HTR1B: variants seen among roughly 807,000 people sequenced by gnomAD.
The protein encoded by HTR1B is 5-hydroxytryptamine (serotonin) receptor 1B, G protein-coupled.
HTR1B carries 12 observed loss-of-function variants against 25.3 expected under a neutral mutation model. The observed-to-expected ratio is 0.47, with a 90% CI of 0.30 to 0.77. HTR1B has a LOEUF of 0.77. Among genes scored for constraint, HTR1B ranks in the 30% least tolerant of loss-of-function variants. The pLI is 0.06. For synonymous variants in HTR1B, 224 were observed against 219.1 expected, an observed-to-expected ratio of 1.02 and a Z score of -0.20; for missense variants, 453 against 503.0, an observed-to-expected ratio of 0.90 and a Z score of 0.95.
rs947294068 is a variant in HTR1B, at chr6:77,462,058, T to A, written c.*173A>T. ...CTACATTTAGTTTCAACACTTCTCC[T>A]TTCAGAGCTCTCTCTCAGGACTATT... On this transcript the variant is annotated 3_prime_UTR_variant, in exon 1 of 1. Transcript: ENST00000369947. This position sits in a 1 kb window ranked among gnomAD's most constrained non-coding sequence, Gnocchi z 4.9. 1 of 597,950 alleles carries A rather than the reference T, an allele frequency of 1.7e-6. No individual in the cohort carries two copies. Among genetic ancestry groups the A allele is most frequent in the Non-Finnish European group, 3.0e-6 (1 of 337,666 alleles). The allele number at this position is 597,950 out of a possible 1,614,324, so 37.0% of individuals were successfully genotyped here.
At position 77,462,818 on chromosome 6, in the gene HTR1B, C is replaced by A. The variant is rs1164524027; in HGVS notation, c.586G>T (p.Val196Leu). Reference protein sequence around the residue: ...FWRQAKAEEEVSECVVNTDHI... With the variant: ...FWRQAKAEEELSECVVNTDHI... ...TCGGTGTTCACCACGCATTCCGACA[C>A]CTCCTCTTCGGCCTTAGCCTGACGC... The change falls in exon 1 of 1, where the codon GTG becomes TTG. Residue 196 changes from valine (V) to leucine (L), a missense_variant. By Grantham distance (32) the Val-to-Leu change is conservative. Around this residue, in one of 3 missense-constraint regions of HTR1B, gnomAD observed 289 missense variants for 319.6 expected, o/e 0.90. Transcript: ENST00000369947. The surrounding 1 kb of genome is among the most constrained non-coding windows in gnomAD (Gnocchi z 4.9). The A allele has an allele frequency of 2.5e-6, 4 of 1,614,014 alleles. No individual in the cohort carries two copies. Among genetic ancestry groups the A allele is most frequent in the Non-Finnish European group, 2.5e-6 (3 of 1,180,030 alleles).
rs1766158401 is a variant in HTR1B, at chr6:77,462,732, G to A, written c.672C>T (p.Leu224=). The part of the protein sequence containing the change: ...VGAFYFPTLL[L]IALYGRIYVE... The stretch of plus-strand genomic sequence containing the variant: ...CGTAGATGCGGCCATAGAGGGCGAT[G>A]AGGAGCAGGGTGGGGAAGTAGAAAG... Residue 224 remains leucine (L), a synonymous_variant, in exon 1 of 1, where the codon CTC becomes CTT. Transcript: ENST00000369947. The surrounding 1 kb of genome is among the most constrained non-coding windows in gnomAD (Gnocchi z 4.9). 4 of 1,613,900 alleles carry A rather than the reference G, an allele frequency of 2.5e-6. No homozygotes were observed. The highest frequency in any genetic ancestry group is 2.7e-5 in the African/African-American group (2 of 74,930).
In HTR1B at chr6:77,462,185, C is replaced by T. The variant is rs1447500052; in HGVS notation, c.*46G>A. 5.3e-6 allele frequency: 7 copies of T among 1,328,962 alleles called. No individual in the cohort carries two copies. In the African/African-American group the frequency reaches 7.3e-5, roughly 14 times the overall value. The allele number at this position is 1,328,962 out of a possible 1,614,324, so 82.3% of individuals were successfully genotyped here. ...GACCTACCTGTGGAACCAGACACAA[C>T]TTGGTCCCCAAAGGTCGCTTAGGCG... On this transcript the variant is annotated 3_prime_UTR_variant, in exon 1 of 1. Transcript: ENST00000369947. This position sits in a 1 kb window ranked among gnomAD's most constrained non-coding sequence, Gnocchi z 4.9.
chr6:77,463,356 G>C lies in HTR1B; in HGVS notation c.48C>G (p.Ser16=), dbSNP rs1382878940. ...AGTTGGCTTGAGGAACCCAGGTCTC[G>C]GAGCCCGCGGGCGGCGGTGGAGCGC... is the stretch of plus-strand genomic sequence containing the variant. ...AQCAPPPPAG[S]ETWVPQANLS... is the part of the protein sequence containing the mutation. Residue 16 remains serine, a synonymous_variant, in exon 1 of 1, where the codon TCC becomes TCG. Transcript: ENST00000369947. 6.2e-7 allele frequency: 1 copy of C among 1,613,942 alleles called. No individual in the cohort carries two copies. Among genetic ancestry groups the C allele is most frequent in the East Asian group, 2.2e-5 (1 of 44,866 alleles).
At position 77,462,255 on chromosome 6, in the gene HTR1B, C is replaced by T; in HGVS notation, c.1149G>A (p.Leu383=). The T allele has an allele frequency of 1.2e-6, 2 of 1,613,314 alleles. No individual in the cohort carries two copies. Among genetic ancestry groups the T allele is most frequent in the Non-Finnish European group, 1.7e-6 (2 of 1,179,414 alleles). Residue 383 remains leucine, a synonymous_variant, in exon 1 of 1, where the codon CTG becomes CTA. Transcript: ENST00000369947. This position sits in a 1 kb window ranked among gnomAD's most constrained non-coding sequence, Gnocchi z 4.9. ...GTCAACTTGTGCACTTAAAACGTATCAGTTTATGGAATGCTTGTTTAAAGT... is the reference window on the plus strand; with the variant it reads ...GTCAACTTGTGCACTTAAAACGTATTAGTTTATGGAATGCTTGTTTAAAGT... The part of the protein sequence containing the change: ...NEDFKQAFHK[L]IRFKCTS
rs130060 is a variant in HTR1B at position 77,463,033 on chromosome 6, A to C, written c.371T>G (p.Phe124Cys). 0.013 allele frequency: 20,525 copies of C among 1,614,186 alleles called. 170 individuals are homozygous for C. The highest frequency in any genetic ancestry group is 0.015 in the Non-Finnish European group (17,420 of 1,180,036). The change falls in exon 1 of 1, where the codon TTC becomes TGC. Residue 124 changes from phenylalanine to cysteine, a missense_variant. By Grantham distance (205) the Phe-to-Cys change is radical. This residue lies in a region of HTR1B where 35 missense variants were observed against 65.1 expected (regional missense o/e 0.54). Transcript: ENST00000369947. ...ACAAGTGATGTCCGACGACAGCCAG[A>C]AGTCACAGACCACCTGGCCCAGTGT... ...RWTLGQVVCDFWLSSDITCCT... is the reference protein window; with the variant it reads ...RWTLGQVVCDCWLSSDITCCT...
chr6:77,462,162 C>A lies in HTR1B; in HGVS notation c.*69G>T. The A allele has an allele frequency of 9.3e-7, 1 of 1,075,472 alleles. No individual in the cohort carries two copies. The highest frequency in any genetic ancestry group is 1.4e-6 in the Non-Finnish European group (1 of 721,416). The allele number at this position is 1,075,472 out of a possible 1,614,324, so 66.6% of individuals were successfully genotyped here. A position where few individuals can be genotyped will look rare whatever the true frequency, so the allele number is the denominator to read the frequency against. ...CCAGAAACCGCGAAAGAAGATTCGA[C>A]CTACCTGTGGAACCAGACACAACTT... On this transcript the variant is annotated 3_prime_UTR_variant, in exon 1 of 1. Transcript: ENST00000369947. The surrounding 1 kb of genome is among the most constrained non-coding windows in gnomAD (Gnocchi z 4.9).
Position 77,462,681 on chromosome 6 carries a change from T to C in HTR1B, c.723A>G (p.Lys241=). 6.2e-7 allele frequency: 1 copy of C among 1,613,550 alleles called. No individual in the cohort carries two copies. Among genetic ancestry groups the C allele is most frequent in the African/African-American group, 1.3e-5 (1 of 74,978 alleles). Residue 241 remains lysine, a synonymous_variant, in exon 1 of 1, where the codon AAA becomes AAG. Coordinates refer to ENST00000369947, the MANE Select transcript of HTR1B (RefSeq NM_000863.3). The surrounding 1 kb of genome is among the most constrained non-coding windows in gnomAD (Gnocchi z 4.9). The part of the protein sequence containing the change: ...IYVEARSRIL[K]QTPNRTGKRL... ...GCTTGCCGGTCCTGTTGGGCGTCTGTTTCAAAATCCGGGAGCGGGCTTCTA... is the reference window on the plus strand; with the variant it reads ...GCTTGCCGGTCCTGTTGGGCGTCTGCTTCAAAATCCGGGAGCGGGCTTCTA...
In HTR1B at chr6:77,463,301, C is replaced by T. The variant is rs200659363; in HGVS notation, c.103G>A (p.Ala35Thr). The change falls in exon 1 of 1, where the codon GCC becomes ACC. Residue 35 changes from alanine (A) to threonine (T), a missense_variant. Physicochemically the swap from Ala to Thr is moderately conservative, Grantham distance 58 (BLOSUM62 0). Around this residue, in one of 3 missense-constraint regions of HTR1B, gnomAD observed 129 missense variants for 118.3 expected, o/e 1.09. Coordinates refer to ENST00000369947, the MANE Select transcript of HTR1B (RefSeq NM_000863.3). Reference sequence around the variant, plus strand: ...GAGTCCTGGTAAATGTAGTCCTTGGCGCTGCAGTTTTGGGAGGGAGCAGAG... The same window carrying T: ...GAGTCCTGGTAAATGTAGTCCTTGGTGCTGCAGTTTTGGGAGGGAGCAGAG... ...LSSAPSQNCS[A>T]KDYIYQDSIS... The T allele has an allele frequency of 2.4e-5, 38 of 1,614,056 alleles. No homozygotes were observed. The highest frequency in any genetic ancestry group is 3.1e-5 in the Non-Finnish European group (37 of 1,180,038).
rs1178483494 is a variant in HTR1B, at chr6:77,463,006, C to A, written c.398G>T (p.Cys133Phe). 6.2e-7 allele frequency: 1 copy of A among 1,614,062 alleles called. No homozygotes were observed. The highest frequency in any genetic ancestry group is 8.5e-7 in the Non-Finnish European group (1 of 1,180,044). Residue 133 changes from cysteine to phenylalanine, a missense_variant, in exon 1 of 1, where the codon TGC (cysteine) becomes TTC (phenylalanine). Physicochemically the swap from Cys to Phe is radical, Grantham distance 205. Coordinates refer to ENST00000369947, the MANE Select transcript of HTR1B (RefSeq NM_000863.3). ...ACAGAGGTGCAGGATGGAGGCAGTG[C>A]AACAAGTGATGTCCGACGACAGCCA... is the stretch of plus-strand genomic sequence containing the variant. The part of the protein sequence containing the change: ...DFWLSSDITC[C>F]TASILHLCVI...
chr6:77,461,248 A>T lies in HTR1B; in HGVS notation c.*983T>A, dbSNP rs963011645. The stretch of plus-strand genomic sequence containing the variant: ...GACACTTTTCTTGTTAAGAAACAGT[A>T]TATTTCCAATACTAATCGGTTTTAC... On this transcript the variant is annotated 3_prime_UTR_variant, in exon 1 of 1. Coordinates refer to ENST00000369947, the MANE Select transcript of HTR1B (RefSeq NM_000863.3). Among the ~76,000 whole-genome samples the T allele has an allele frequency of 6.6e-6, 1 of 152,254 alleles. No homozygotes were observed. Among genetic ancestry groups the T allele is most frequent in the Non-Finnish European group, 1.5e-5 (1 of 68,048 alleles).
chr6:77,462,115 GGAGA>G lies in HTR1B; in HGVS notation c.*112_*115del, dbSNP rs1376566043. 7 of 701,844 alleles carry G rather than the reference GGAGA, an allele frequency of 1.0e-5. No individual in the cohort carries two copies. Among genetic ancestry groups the G allele is most frequent in the Non-Finnish European group, 1.7e-5 (7 of 404,952 alleles). The allele number at this position is 701,844 out of a possible 1,614,324, so 43.5% of individuals were successfully genotyped here. ...TCTCAGGATCCATTGCCCTTGCCCA[GGAGA>G]GAGAGCCTCGCTGGGACCCAGAAAC... On this transcript the variant is annotated 3_prime_UTR_variant, in exon 1 of 1. Transcript: ENST00000369947. The surrounding 1 kb of genome is among the most constrained non-coding windows in gnomAD (Gnocchi z 4.9).
chr6:77,462,098 TCCATTGC>T lies in HTR1B; in HGVS notation c.*126_*132del, dbSNP rs1766144872. On this transcript the variant is annotated 3_prime_UTR_variant, in exon 1 of 1. Transcript: ENST00000369947. The surrounding 1 kb of genome is among the most constrained non-coding windows in gnomAD (Gnocchi z 4.9). The stretch of plus-strand genomic sequence containing the variant: ...TCAGGACTATTCTGGCTTCTCAGGA[TCCATTGC>T]CCTTGCCCAGGAGAGAGAGCCTCGC... 2 of 644,708 alleles carry T rather than the reference TCCATTGC, an allele frequency of 3.1e-6. No homozygotes were observed. Among genetic ancestry groups the T allele is most frequent in the Non-Finnish European group, 5.5e-6 (2 of 364,054 alleles). The allele number at this position is 644,708 out of a possible 1,614,324, so 39.9% of individuals were successfully genotyped here. A position where few individuals can be genotyped will look rare whatever the true frequency, so the allele number is the denominator to read the frequency against.
chr6:77,462,203 C>T lies in HTR1B; in HGVS notation c.*28G>A. 3 of 1,541,110 alleles carry T rather than the reference C, an allele frequency of 1.9e-6. No homozygotes were observed. Among genetic ancestry groups the T allele is most frequent in the Non-Finnish European group, 2.7e-6 (3 of 1,123,830 alleles). ...GACACAACTTGGTCCCCAAAGGTCG[C>T]TTAGGCGACCCCACTGCAAACGGCA... On this transcript the variant is annotated 3_prime_UTR_variant, in exon 1 of 1. Coordinates refer to ENST00000369947, the MANE Select transcript of HTR1B (RefSeq NM_000863.3). This position sits in a 1 kb window ranked among gnomAD's most constrained non-coding sequence, Gnocchi z 4.9.
At position 77,463,123 on chromosome 6, in the gene HTR1B, G is replaced by C. The variant is rs1459758778; in HGVS notation, c.281C>G (p.Thr94Ser). 6.2e-7 allele frequency: 1 copy of C among 1,614,112 alleles called. No homozygotes were observed. Among genetic ancestry groups the C allele is most frequent in the African/African-American group, 1.3e-5 (1 of 74,956 alleles). ...ANYLIASLAV[T>S]DLLVSILVMP... ...CACCAGGATGGACACAAGCAGGTCG[G>C]TGACCGCCAGAGAGGCGATCAGGTA... Residue 94 changes from threonine (T) to serine (S), a missense_variant, in exon 1 of 1, where the codon ACC (threonine) becomes AGC (serine). By Grantham distance (58) the Thr-to-Ser change is moderately conservative (BLOSUM62 1). Around this residue, in one of 3 missense-constraint regions of HTR1B, gnomAD observed 129 missense variants for 118.3 expected, o/e 1.09. Transcript: ENST00000369947.
In HTR1B at chr6:77,462,708, G is replaced by A. The variant is rs778654536; in HGVS notation, c.696C>T (p.Tyr232=). 12 of 1,613,840 alleles carry A rather than the reference G, an allele frequency of 7.4e-6. No individual in the cohort carries two copies. In the South Asian group the frequency reaches 9.9e-5, roughly 13 times the overall value. The change falls in exon 1 of 1, where the codon TAC becomes TAT. Residue 232 remains tyrosine (Y), a synonymous_variant. Coordinates refer to ENST00000369947, the MANE Select transcript of HTR1B (RefSeq NM_000863.3). The surrounding 1 kb of genome is among the most constrained non-coding windows in gnomAD (Gnocchi z 4.9). ...TCAAAATCCGGGAGCGGGCTTCTAC[G>A]TAGATGCGGCCATAGAGGGCGATGA... ...LLLIALYGRI[Y]VEARSRILKQ...
chr6:77,462,070 C>G lies in HTR1B; in HGVS notation c.*161G>C, dbSNP rs759713904. Reference sequence around the variant, plus strand: ...TCAACACTTCTCCTTTCAGAGCTCTCTCTCAGGACTATTCTGGCTTCTCAG... The same window carrying G: ...TCAACACTTCTCCTTTCAGAGCTCTGTCTCAGGACTATTCTGGCTTCTCAG... On this transcript the variant is annotated 3_prime_UTR_variant, in exon 1 of 1. Transcript: ENST00000369947. The surrounding 1 kb of genome is among the most constrained non-coding windows in gnomAD (Gnocchi z 4.9). The G allele has an allele frequency of 1.1e-4, 69 of 609,258 alleles. No individual in the cohort carries two copies. The highest frequency in any genetic ancestry group is 1.8e-4 in the Non-Finnish European group (62 of 343,786). The allele number at this position is 609,258 out of a possible 1,614,324, so 37.7% of individuals were successfully genotyped here. A position where few individuals can be genotyped will look rare whatever the true frequency, so the allele number is the denominator to read the frequency against.
In HTR1B at chr6:77,462,624, G is replaced by A. The variant is rs1365192212; in HGVS notation, c.780C>T (p.Ser260=). Residue 260 remains serine, a synonymous_variant, in exon 1 of 1, where the codon TCC becomes TCT. Coordinates refer to ENST00000369947, the MANE Select transcript of HTR1B (RefSeq NM_000863.3). The surrounding 1 kb of genome is among the most constrained non-coding windows in gnomAD (Gnocchi z 4.9). ...RLTRAQLITD[S]PGSTSSVTSI... is the part of the protein sequence containing the mutation. Reference sequence around the variant, plus strand: ...AGGTGACCGAGGACGTGGACCCGGGGGAGTCGGTTATCAGCTGGGCTCGGG... The same window carrying A: ...AGGTGACCGAGGACGTGGACCCGGGAGAGTCGGTTATCAGCTGGGCTCGGG... The A allele has an allele frequency of 6.8e-6, 11 of 1,613,136 alleles. No individual in the cohort carries two copies. The highest frequency in any genetic ancestry group is 8.5e-7 in the Non-Finnish European group (1 of 1,180,008).
rs201861413 is a variant in HTR1B at position 77,462,729 on chromosome 6, G to A, written c.675C>T (p.Ile225=). ...GAFYFPTLLL[I]ALYGRIYVEA... Reference sequence around the variant, plus strand: ...CTACGTAGATGCGGCCATAGAGGGCGATGAGGAGCAGGGTGGGGAAGTAGA... The same window carrying A: ...CTACGTAGATGCGGCCATAGAGGGCAATGAGGAGCAGGGTGGGGAAGTAGA... Residue 225 remains isoleucine, a synonymous_variant, in exon 1 of 1, where the codon ATC becomes ATT. Transcript: ENST00000369947. This position sits in a 1 kb window ranked among gnomAD's most constrained non-coding sequence, Gnocchi z 4.9. The A allele has an allele frequency of 4.5e-5, 72 of 1,613,820 alleles. No individual in the cohort carries two copies. Among genetic ancestry groups the A allele is most frequent in the Non-Finnish European group, 5.8e-5 (69 of 1,180,044 alleles).
Sources: allele counts gnomAD v4.1 joint callset (sites outside exome capture counted in the v4.1 genomes callset), GRCh38; gene constraint gnomAD v4.1.1; regional missense constraint gnomAD v4.1.1; non-coding constraint Gnocchi (gnomAD v3.1); transcripts MANE v1.5; gene names NCBI Gene and HGNC (gene_info 2026-07-23, HGNC 2026-07-21).